Variants in PEX7 observed in about 807,000 individuals in gnomAD.
The protein encoded by PEX7 is PTS2 receptor.
In PEX7, 34 loss-of-function variants were observed where a neutral mutation model predicts 47.5. That is an observed-to-expected ratio of 0.72 (90% CI 0.54 to 0.95). PEX7 has a LOEUF of 0.95. PEX7 is among the 40% of genes least tolerant of loss of function. The probability of loss-of-function intolerance (pLI) is 0.00; values close to 1 mark genes in which losing one functional copy is unlikely to be tolerated. For missense variants in PEX7, 394 were observed against 400.3 expected (o/e 0.98, Z 0.13); for synonymous variants, 141 against 148.8 (o/e 0.95, Z 0.38).
chr6:136,848,776 A>G (rs1774680563), intron 5 of PEX7, among the ~76,000 whole-genome samples: 1 of 152,164 alleles, frequency 6.6e-6, no homozygotes, highest in East Asian at 1.9e-4. Flanking sequence ...GGATTTTTGC[A>G]TTGATGTTCA....
intron 9 of PEX7, among the ~76,000 whole-genome samples, chr6:136,911,818 T>TA (rs1775938264): frequency 6.6e-6 from 1 of 152,234 alleles, no homozygotes; most frequent in Non-Finnish European, 1.5e-5. Context: ...GGAGTGGAAT[T>TA]ACTGGGTCAA....
intron 3 of PEX7, among the ~76,000 whole-genome samples, chr6:136,842,465 C>G (rs568602224): frequency 6.6e-6 from 1 of 152,276 alleles, no homozygotes; most frequent in South Asian, 2.1e-4. Context: ...TTGATTCAGG[C>G]TGGATTCTCT....
rs767150609 is a variant in PEX7 at position 136,846,095 on chromosome 6, C to G, written c.440C>G (p.Ser147Cys). Residue 147 changes from serine (S) to cysteine (C), a missense_variant, in exon 5 of 10, where the codon TCT (serine) becomes TGT (cysteine). Transcript: ENST00000318471. ...VKLWDPTVGK[S>C]LCTFRGHESI... is the part of the protein sequence containing the mutation. ...TAGTGGGATCCAACTGTTGGAAAGT[C>G]TCTGTGCACCTTTAGAGGCCATGAA... 1 of 1,611,742 alleles carries G rather than the reference C, an allele frequency of 6.2e-7. No individual in the cohort carries two copies. The highest frequency in any genetic ancestry group is 1.3e-5 in the African/African-American group (1 of 74,868).
intron 8 of PEX7, among the ~76,000 whole-genome samples, chr6:136,884,698 C>G (rs903659479): frequency 6.6e-6 from 1 of 152,096 alleles, no homozygotes; most frequent in Non-Finnish European, 1.5e-5. Context: ...TAGCTCATTA[C>G]ATTTCACAGA....
chr6:136,882,923 C>G (rs1222383329), intron 8 of PEX7, among the ~76,000 whole-genome samples: 2 of 152,104 alleles, frequency 1.3e-5, no homozygotes, highest in East Asian at 3.9e-4. Context: ...CTTCACTGTC[C>G]CAGCGTACTC....
intron 8 of PEX7, among the ~76,000 whole-genome samples, chr6:136,887,877 G>C (rs1775494328): frequency 6.6e-6 from 1 of 152,090 alleles, no homozygotes. Context: ...GTGGGAAAAT[G>C]ATCTTTAATT....
chr6:136,832,678 T>C (rs936500066), intron 3 of PEX7, among the ~76,000 whole-genome samples: 1 of 152,254 alleles, frequency 6.6e-6, no homozygotes, highest in African/African-American at 2.4e-5. Context: ...GGGTCACTTC[T>C]TGAATGCTTT....
At chr6:136,823,105 G>T in intron 1 of PEX7, 5 of 985,438 alleles carry the variant, frequency 5.1e-6, no homozygotes, top group Non-Finnish European at 6.0e-6. Flanking sequence ...ACACGTCCCC[G>T]TAGGGAGAGC....
At chr6:136,863,407 G>A (rs987102459) in intron 5 of PEX7, among the ~76,000 whole-genome samples, 15 of 151,878 alleles carry the variant, frequency 9.9e-5, no homozygotes, top group African/African-American at 3.4e-4. Flanking sequence ...TAGCAGGACA[G>A]TATTTTTAAA....
At chr6:136,849,458 T>G (rs1321672382) in intron 5 of PEX7, among the ~76,000 whole-genome samples, 5 of 152,346 alleles carry the variant, frequency 3.3e-5, no homozygotes, top group Non-Finnish European at 5.9e-5. Flanking sequence ...GTGTCAATTT[T>G]AGATCTTTCC....
Position 136,866,713 on chromosome 6 carries a change from G to T in PEX7, c.613G>T (p.Asp205Tyr). ...PAHQAEILSC[D>Y]WCKYNENLLV... is the part of the protein sequence containing the mutation. ...ACATCAGGCAGAAATCTTGAGTTGT[G>T]ACTGGTGTAAATACAATGAGGTATA... is the stretch of plus-strand genomic sequence containing the variant. Residue 205 changes from aspartate (D) to tyrosine (Y), a missense_variant, in exon 6 of 10, where the codon GAC becomes TAC. By Grantham distance (160) the Asp-to-Tyr change is radical (BLOSUM62 -3). Transcript: ENST00000318471. The T allele has an allele frequency of 6.2e-7, 1 of 1,613,856 alleles. No homozygotes were observed. The highest frequency in any genetic ancestry group is 1.1e-5 in the South Asian group (1 of 91,040).
chr6:136,838,080 CAGA>C (rs1174483500), intron 3 of PEX7, among the ~76,000 whole-genome samples: 1 of 152,112 alleles, frequency 6.6e-6, no homozygotes, highest in Non-Finnish European at 1.5e-5. Context: ...GAAGGAATAA[CAGA>C]ATTAGAAAAT....
intron 8 of PEX7, among the ~76,000 whole-genome samples, chr6:136,895,372 G>T (rs1489813847): frequency 6.6e-6 from 1 of 151,994 alleles, no homozygotes; most frequent in Non-Finnish European, 1.5e-5. Flanking sequence ...CAATATTTTT[G>T]ATATTTCACT....
chr6:136,865,944 G>A (rs1258003455), intron 5 of PEX7, among the ~76,000 whole-genome samples: 1 of 152,160 alleles, frequency 6.6e-6, no homozygotes, highest in Non-Finnish European at 1.5e-5. Flanking sequence ...TTAGCTGGGC[G>A]TGGTGGTGTG....
At chr6:136,836,516 A>G (rs1774387210) in intron 3 of PEX7, among the ~76,000 whole-genome samples, 1 of 152,190 alleles carries the variant, frequency 6.6e-6, no homozygotes, top group Non-Finnish European at 1.5e-5. Flanking sequence ...AGAAAAAGCA[A>G]TTGCTAAAAA....
intron 9 of PEX7, among the ~76,000 whole-genome samples, chr6:136,910,117 T>G (rs1044073605): frequency 6.6e-5 from 10 of 152,222 alleles, no homozygotes; most frequent in African/African-American, 2.4e-4. Flanking sequence ...TTCAACAGGT[T>G]TAGGTTCTGG....
At chr6:136,880,428 T>C (rs549980228) in intron 8 of PEX7, among the ~76,000 whole-genome samples, 143 of 152,330 alleles carry the variant, frequency 9.4e-4, no homozygotes, top group Non-Finnish European at 1.8e-3. Flanking sequence ...CTCATGATGG[T>C]TTTAGGTCAG....
At chr6:136,830,632 T>A (rs1293098041) in intron 3 of PEX7, among the ~76,000 whole-genome samples, 1 of 152,190 alleles carries the variant, frequency 6.6e-6, no homozygotes, top group African/African-American at 2.4e-5. Flanking sequence ...ATAATAAAAA[T>A]TTTTAAAAGT....
At chr6:136,865,498 CA>C (rs1439759067) in intron 5 of PEX7, among the ~76,000 whole-genome samples, 1 of 151,978 alleles carries the variant, frequency 6.6e-6, no homozygotes, top group Non-Finnish European at 1.5e-5. Context: ...AGGGTTTCAT[CA>C]TGTTGGCCAG....
Sources: allele counts gnomAD v4.1 joint callset (sites outside exome capture counted in the v4.1 genomes callset), GRCh38; gene constraint gnomAD v4.1.1; transcripts MANE v1.5; gene names NCBI Gene and HGNC (gene_info 2026-07-23, HGNC 2026-07-21).